Variants in SQSTM1 observed in about 807,000 individuals in gnomAD.
SQSTM1 encodes sequestosome-1.
In SQSTM1, 36 loss-of-function variants were observed where a neutral mutation model predicts 45.1. The ratio of observed to expected loss-of-function variants is 0.80; its 90% CI spans 0.61 to 1.05. The LOEUF (loss-of-function observed/expected upper bound fraction) is 1.05, where lower values mean the gene tolerates loss of function less well. SQSTM1 is among the 50% of genes least tolerant of loss of function. The pLI is 0.00. For missense variants in SQSTM1, 617 were observed against 607.1 expected (o/e 1.02, Z -0.17); for synonymous variants, 290 against 244.3 (o/e 1.19, Z -1.74).
intron 1 of SQSTM1, chr5:179,821,648 G>A (rs1403711675): frequency 1.7e-5 from 7 of 405,888 alleles, no homozygotes; most frequent in Non-Finnish European, 3.0e-5. Context: ...GGGGACTCGC[G>A]AGCGCCGCGA....
chr5:179,816,133 AAGG>A (rs1383195456), upstream of SQSTM1, among the ~76,000 whole-genome samples: 1 of 152,094 alleles, frequency 6.6e-6, no homozygotes, highest in African/African-American at 2.4e-5. Flanking sequence ...TAGATCCTCA[AAGG>A]AGGATAATTC....
chr5:179,837,459 G>A lies in SQSTM1; in HGVS notation c.*866G>A. 6.2e-7 allele frequency: 1 copy of A among 1,613,088 alleles called. No individual in the cohort carries two copies. Among genetic ancestry groups the A allele is most frequent in the South Asian group, 1.1e-5 (1 of 91,044 alleles). ...CATAGTCGTGTGGGTCGAGGATTCT[G>A]TGCCTCCAGGACCAGGGGCCCACCC... On this transcript the variant is annotated 3_prime_UTR_variant, in exon 8 of 8. Transcript: ENST00000389805.
At chr5:179,808,999 A>C (rs1453264444) in intron 1 of SQSTM1, among the ~76,000 whole-genome samples, 1 of 150,748 alleles carries the variant, frequency 6.6e-6, no homozygotes, top group Admixed American at 6.6e-5. Flanking sequence ...CTGGGACTAC[A>C]GGCACCCACC....
In SQSTM1 at chr5:179,821,476, C is replaced by T. The variant is rs1247011427; in HGVS notation, c.205+335C>T. The T allele has an allele frequency of 4.9e-5, 27 of 553,106 alleles. 1 individual carries two copies. Among genetic ancestry groups the T allele is most frequent in the Middle Eastern group, 3.2e-4 (1 of 3,148 alleles). 34.3% of individuals were successfully genotyped at this position (553,106 alleles called of 1,614,324 possible). A position where few individuals can be genotyped will look rare whatever the true frequency, so the allele number is the denominator to read the frequency against. On this transcript the variant is annotated intron_variant, in intron 1 of 7. Coordinates refer to ENST00000389805, the MANE Select transcript of SQSTM1 (RefSeq NM_003900.5). ...GGATTTTGGCAAGGACGCGCCGGGG[C>T]GAACGCTCTGGCTCTCCGCGGGCAC... is the stretch of plus-strand genomic sequence containing the variant.
At chr5:179,829,615 A>C (rs1337160160) in intron 5 of SQSTM1, among the ~76,000 whole-genome samples, 3 of 152,258 alleles carry the variant, frequency 2.0e-5, no homozygotes, top group Admixed American at 1.3e-4. Flanking sequence ...AATAGAAAAA[A>C]AACTTCAAAA....
At position 179,820,919 on chromosome 5, in the gene SQSTM1, GC is replaced by G; in HGVS notation, c.-16del. On this transcript the variant is annotated 5_prime_UTR_variant, in exon 1 of 8. Transcript: ENST00000389805. The stretch of plus-strand genomic sequence containing the variant: ...CTGCGACCGGGACGGCCCGTTTTCC[GC>G]CAGCTCGCCGCTCGCTATGGCGTCG... 1 of 1,520,242 alleles carries G rather than the reference GC, an allele frequency of 6.6e-7. No homozygotes were observed. The highest frequency in any genetic ancestry group is 8.8e-7 in the Non-Finnish European group (1 of 1,135,144). The allele number at this position is 1,520,242 out of a possible 1,614,324, so 94.2% of individuals were successfully genotyped here.
intron 7 of SQSTM1, among the ~76,000 whole-genome samples, chr5:179,834,083 CAGAG>C (rs1289642800): frequency 1.0e-4 from 15 of 148,836 alleles, no homozygotes; most frequent in African/African-American, 3.5e-4. Flanking sequence ...AGGTGTGACA[CAGAG>C]AGGGGGCAGC....
intron 5 of SQSTM1, among the ~76,000 whole-genome samples, 162 bp from the exon 6 acceptor site, chr5:179,832,870 C>T (rs748610941): frequency 1.3e-5 from 2 of 152,132 alleles, no homozygotes; most frequent in Non-Finnish European, 2.9e-5. Context: ...GAACCTAGCA[C>T]CTGCATCCAC....
upstream of SQSTM1, chr5:179,820,834 A>G: frequency 8.7e-7 from 1 of 1,146,620 alleles, no homozygotes; most frequent in Non-Finnish European, 1.2e-6. Flanking sequence ...GGCGCGAGAG[A>G]CTCCGCCCCT....
upstream of SQSTM1, chr5:179,820,536 C>T (rs1291716552): frequency 1.2e-5 from 2 of 172,566 alleles, no homozygotes; most frequent in African/African-American, 4.7e-5. Context: ...CACTGGGTAC[C>T]CCCAACTGAG....
At chr5:179,810,520 G>A (rs540549601) in intron 1 of SQSTM1, among the ~76,000 whole-genome samples, 1,622 of 152,276 alleles carry the variant, frequency 0.011, 12 homozygotes, top group Middle Eastern at 0.017. Flanking sequence ...TATCATTGAT[G>A]GACATTTGGG....
rs1582006453 is a variant in SQSTM1, at chr5:179,823,057, AGGGGCTGCTCTG to A, written c.301+13_301+24del. 1 of 1,613,696 alleles carries A rather than the reference AGGGGCTGCTCTG, an allele frequency of 6.2e-7. No homozygotes were observed. Among genetic ancestry groups the A allele is most frequent in the Non-Finnish European group, 8.5e-7 (1 of 1,179,710 alleles). On this transcript the variant is annotated splice_donor_5th_base_variant and intron_variant, in intron 2 of 7. Transcript: ENST00000389805. ...ATCTTCCGAATCTACATTAAAGGTA[AGGGGCTGCTCTG>A]GGGGCTGCCTGAAGCCAGCTCAGCT... is the stretch of plus-strand genomic sequence containing the variant.
chr5:179,837,251 C>G lies in SQSTM1; in HGVS notation c.*658C>G, dbSNP rs1344979922. On this transcript the variant is annotated 3_prime_UTR_variant, in exon 8 of 8. Coordinates refer to ENST00000389805, the MANE Select transcript of SQSTM1 (RefSeq NM_003900.5). ...TAATTAAATGGCATCAGCACTTTAA[C>G]CAATGACGTTTGCATAGAGAGAAAT... 6.2e-7 allele frequency: 1 copy of G among 1,603,524 alleles called. No individual in the cohort carries two copies. Among genetic ancestry groups the G allele is most frequent in the Non-Finnish European group, 8.5e-7 (1 of 1,179,318 alleles).
In SQSTM1 at chr5:179,836,798, G is replaced by A. The variant is rs1320219410; in HGVS notation, c.*205G>A. The A allele has an allele frequency of 1.1e-5, 9 of 796,892 alleles. No homozygotes were observed. The highest frequency in any genetic ancestry group is 3.4e-5 in the African/African-American group (2 of 58,666). 49.4% of individuals were successfully genotyped at this position (796,892 alleles called of 1,614,324 possible). ...GTGTGTGTGCTGATGTTTCCTGGGT[G>A]CCCTGGCTCCTTGCAGCAGGGCTGG... is the stretch of plus-strand genomic sequence containing the variant. On this transcript the variant is annotated 3_prime_UTR_variant, in exon 8 of 8. Transcript: ENST00000389805.
intron 7 of SQSTM1, 178 bp from the exon 8 acceptor site, chr5:179,836,258 G>T: frequency 1.3e-6 from 1 of 789,084 alleles, no homozygotes; most frequent in Non-Finnish European, 2.1e-6. Flanking sequence ...GTGTGAAAAA[G>T]ACTGCTTGGC....
rs764632233 is a variant in SQSTM1 at position 179,824,021 on chromosome 5, G to A, written c.465G>A (p.Glu155=). 8.7e-6 allele frequency: 14 copies of A among 1,613,900 alleles called. No individual in the cohort carries two copies. The East Asian group carries it at 2.5e-4, about 28-fold the overall frequency. The stretch of plus-strand genomic sequence containing the variant: ...ACTACGACTTGTGTAGCGTCTGCGA[G>A]GGAAAGGGCTTGCACCGGGGGCACA... ...CPDYDLCSVC[E]GKGLHRGHTK... Residue 155 remains glutamate, a synonymous_variant, in exon 3 of 8, where the codon GAG becomes GAA. Transcript: ENST00000389805.
chr5:179,825,871 G>A (rs893650411), intron 5 of SQSTM1, among the ~76,000 whole-genome samples: 32 of 152,160 alleles, frequency 2.1e-4, no homozygotes, highest in African/African-American at 6.8e-4. Context: ...TAAGGGTCTC[G>A]GGTGGGTGCT....
intron 4 of SQSTM1, among the ~76,000 whole-genome samples, chr5:179,824,576 C>T (rs1159850388): frequency 6.6e-6 from 1 of 152,138 alleles, no homozygotes; most frequent in African/African-American, 2.4e-5. Flanking sequence ...AGGAGGCTGC[C>T]CTCTCAAGGT....
Position 179,837,576 on chromosome 5 carries a change from C to G in SQSTM1, c.*983C>G. ...GGGTGTGTGGCCCGAGGAAGCTGGA[C>G]AGCGGCAGTGGGCCTGCTGAGGCCT... On this transcript the variant is annotated 3_prime_UTR_variant, in exon 8 of 8. Transcript: ENST00000389805. The G allele has an allele frequency of 6.2e-7, 1 of 1,614,238 alleles. No homozygotes were observed. The highest frequency in any genetic ancestry group is 8.5e-7 in the Non-Finnish European group (1 of 1,180,044).
Sources: allele counts gnomAD v4.1 joint callset (sites outside exome capture counted in the v4.1 genomes callset), GRCh38; gene constraint gnomAD v4.1.1; transcripts MANE v1.5; gene names NCBI Gene and HGNC (gene_info 2026-07-23, HGNC 2026-07-21).